HSD17B11: variants seen among roughly 807,000 people sequenced by gnomAD.
The protein encoded by HSD17B11 is hydroxysteroid 17-beta dehydrogenase 11.
In HSD17B11, 22 loss-of-function variants were observed where a neutral mutation model predicts 27.8. The observed-to-expected ratio is 0.79, with a 90% CI of 0.56 to 1.13. The LOEUF (loss-of-function observed/expected upper bound fraction) is 1.13. HSD17B11 is among the 50% of genes most tolerant of loss of function. The probability of loss-of-function intolerance (pLI) is 0.00; values close to 1 mark genes in which losing one functional copy is unlikely to be tolerated. For missense variants in HSD17B11, 314 were observed against 351.1 expected, an observed-to-expected ratio of 0.89 and a Z score of 0.84; for synonymous variants, 117 against 132.8, an observed-to-expected ratio of 0.88 and a Z score of 0.82.
intron 1 of HSD17B11, among the ~76,000 whole-genome samples, chr4:87,383,530 G>C (rs1578048041): frequency 1.3e-5 from 2 of 152,212 alleles, no homozygotes; most frequent in South Asian, 4.1e-4. Flanking sequence ...GGAAGGATGG[G>C]AAGGAGCCAC....
chr4:87,357,363 GC>G lies in HSD17B11; in HGVS notation c.610del (p.Ala204LeufsTer5). The part of the protein sequence containing the change: ...GFHKTLTDEL[A>X]ALQITGVKTT... ...TTTGACTCCAGTTATTTGTAAGGCA[GC>G]CAGTTCATCTGTCAAAGTTTTATGA... On this transcript the variant is annotated frameshift_variant, in exon 5 of 7. Coordinates refer to ENST00000358290, the MANE Select transcript of HSD17B11 (RefSeq NM_016245.5). LOFTEE classifies it high-confidence loss of function. 1 of 1,613,734 alleles carries G rather than the reference GC, an allele frequency of 6.2e-7. No homozygotes were observed. Among genetic ancestry groups the G allele is most frequent in the Non-Finnish European group, 8.5e-7 (1 of 1,179,828 alleles).
chr4:87,359,838 G>A (rs1578038054), intron 4 of HSD17B11, among the ~76,000 whole-genome samples: 1 of 152,214 alleles, frequency 6.6e-6, no homozygotes, highest in Non-Finnish European at 1.5e-5. Context: ...GTTTATATAT[G>A]ATATATTCTA....
intron 6 of HSD17B11, among the ~76,000 whole-genome samples, chr4:87,338,183 C>T (rs1053192669): frequency 6.6e-6 from 1 of 152,192 alleles, no homozygotes. Flanking sequence ...TGCCATTGCG[C>T]TCCAGCCTGG....
chr4:87,377,005 C>T (rs1049215513), intron 2 of HSD17B11, among the ~76,000 whole-genome samples: 1 of 152,068 alleles, frequency 6.6e-6, no homozygotes, highest in African/African-American at 2.4e-5. Context: ...TGGTGGGTTC[C>T]TGTAGTCCCA....
chr4:87,388,497 C>G (rs1228669371), intron 1 of HSD17B11, among the ~76,000 whole-genome samples: 1 of 152,206 alleles, frequency 6.6e-6, no homozygotes, highest in Admixed American at 6.5e-5. Context: ...CCCTGCAGGA[C>G]TCACTGTGCT....
intron 1 of HSD17B11, among the ~76,000 whole-genome samples, chr4:87,390,246 C>G (rs191898960): frequency 0.032 from 4,855 of 152,276 alleles, 108 homozygotes; most frequent in African/African-American, 0.063. Flanking sequence ...ACCTCCGCCC[C>G]GCGGGGTTCC....
At position 87,382,416 on chromosome 4, in the gene HSD17B11, C is replaced by T. The variant is rs73839708; in HGVS notation, c.211-54G>A. ...AATAATTGATATGAACATATTATAT[C>T]GACAGCTGAAAATAATTAAAAATAA... On this transcript the variant is annotated intron_variant, in intron 1 of 6. Coordinates refer to ENST00000358290, the MANE Select transcript of HSD17B11 (RefSeq NM_016245.5). 9.8e-3 allele frequency: 9,917 copies of T among 1,009,886 alleles called. 654 individuals carry two copies. The African/African-American group carries it at 0.14, about 14-fold the overall frequency. The allele number at this position is 1,009,886 out of a possible 1,614,324, so 62.6% of individuals were successfully genotyped here. A position where few individuals can be genotyped will look rare whatever the true frequency, so the allele number is the denominator to read the frequency against.
chr4:87,382,183 A>T, intron 2 of HSD17B11, 72 bp downstream of exon 2: 2 of 1,095,280 alleles, frequency 1.8e-6, no homozygotes, highest in Non-Finnish European at 2.8e-6. Flanking sequence ...TATATCATGT[A>T]CAGACTGGGT....
chr4:87,386,047 C>G (rs923136895), intron 1 of HSD17B11: 1 of 151,936 alleles, frequency 6.6e-6, no homozygotes, highest in African/African-American at 2.4e-5. Flanking sequence ...TTGCTTATTA[C>G]TGGTTGGCTT....
chr4:87,382,150 C>A, intron 2 of HSD17B11, 105 bp downstream of exon 2: 1 of 818,918 alleles, frequency 1.2e-6, no homozygotes, highest in South Asian at 1.8e-5. Context: ...GGTCAAATAA[C>A]AACATTTCTC....
intron 1 of HSD17B11, among the ~76,000 whole-genome samples, chr4:87,387,937 TTCCTTCCATCTTTTC>T (rs1361039555): frequency 1.3e-5 from 2 of 152,248 alleles, no homozygotes; most frequent in East Asian, 3.9e-4. Flanking sequence ...ACTTTACTTG[TTCCTTCCATCTTTTC>T]TCCTCTTACA....
intron 2 of HSD17B11, among the ~76,000 whole-genome samples, chr4:87,378,797 TTA>T (rs58276602): frequency 0.38 from 25,156 of 65,384 alleles, 7,283 homozygotes; most frequent in African/African-American, 0.43. Context: ...ATATATGATT[TTA>T]TATATATATA....
At chr4:87,340,769 GATAATA>G (rs940178795) in intron 5 of HSD17B11, among the ~76,000 whole-genome samples, 163 bp from the exon 6 acceptor site, 2 of 152,142 alleles carry the variant, frequency 1.3e-5, no homozygotes, top group Non-Finnish European at 2.9e-5. Context: ...CTTTACCATT[GATAATA>G]ATAATAACAA....
At chr4:87,340,664 T>C in intron 5 of HSD17B11, 58 bp from the exon 6 acceptor site, 2 of 1,193,284 alleles carry the variant, frequency 1.7e-6, no homozygotes, top group Non-Finnish European at 2.5e-6. Flanking sequence ...CAGCTTTAGT[T>C]TGGTGCTAAC....
At chr4:87,376,522 ACC>A (rs11304481) in intron 2 of HSD17B11, among the ~76,000 whole-genome samples, 12 of 141,982 alleles carry the variant, frequency 8.5e-5, no homozygotes, top group Admixed American at 1.4e-4. Flanking sequence ...AAAAAAAAAA[ACC>A]CAAAAAACAA....
chr4:87,372,664 C>T, intron 4 of HSD17B11, 45 bp downstream of exon 4: 1 of 1,153,452 alleles, frequency 8.7e-7, no homozygotes, highest in Non-Finnish European at 1.3e-6. Flanking sequence ...ATCTCACACA[C>T]AAGGTAGGCA....
intron 1 of HSD17B11, among the ~76,000 whole-genome samples, chr4:87,390,381 C>T (rs778700661): frequency 6.6e-6 from 1 of 152,182 alleles, no homozygotes; most frequent in Non-Finnish European, 1.5e-5. Flanking sequence ...TGGTCTCGAT[C>T]TCCTGACCTC....
intron 2 of HSD17B11, 100 bp from the exon 3 acceptor site, chr4:87,374,930 G>A: frequency 2.3e-6 from 2 of 880,162 alleles, no homozygotes; most frequent in South Asian, 1.8e-5. Context: ...TTCTTGCTCT[G>A]TTGCCCAGGC....
chr4:87,340,669 G>GCAC, intron 5 of HSD17B11, 63 bp from the exon 6 acceptor site: 1 of 1,086,398 alleles, frequency 9.2e-7, no homozygotes, highest in Non-Finnish European at 1.4e-6. Context: ...TTAGTTTGGT[G>GCAC]CTAACCAACA....
Sources: allele counts gnomAD v4.1 joint callset (sites outside exome capture counted in the v4.1 genomes callset), GRCh38; gene constraint gnomAD v4.1.1; transcripts MANE v1.5; gene names NCBI Gene and HGNC (gene_info 2026-07-23, HGNC 2026-07-21).